Variants in SNRNP200 observed in about 807,000 individuals in gnomAD.
SNRNP200 encodes the protein U5 small nuclear ribonucleoprotein 200 kDa helicase.
SNRNP200 carries 66 observed loss-of-function variants against 255.2 expected under a neutral mutation model. That is an observed-to-expected ratio of 0.26 (90% CI 0.21 to 0.32). The LOEUF (loss-of-function observed/expected upper bound fraction) is 0.32, where lower values mean the gene tolerates loss of function less well. SNRNP200 is among the 10% of genes least tolerant of loss of function. The probability of loss-of-function intolerance (pLI) is 1.00; values close to 1 mark genes in which losing one functional copy is unlikely to be tolerated. For synonymous variants in SNRNP200, 939 were observed against 1,027.8 expected, an observed-to-expected ratio of 0.91 and a Z score of 1.65; for missense variants, 1,585 against 2,749.8, an observed-to-expected ratio of 0.58 and a Z score of 9.47.
Position 96,286,848 on chromosome 2 carries a change from A to T in SNRNP200, c.3669T>A (p.Ile1223=), listed in dbSNP as rs1482060173. 6.2e-7 allele frequency: 1 copy of T among 1,614,210 alleles called. No homozygotes were observed. Among genetic ancestry groups the T allele is most frequent in the Non-Finnish European group, 8.5e-7 (1 of 1,180,040 alleles). ...CCTCGCTGTCCACATCCTCCACCAG[A>T]ATCCAAAAAGCCTCGGATGAACCAT... ...KVHGSSEAFW[I]LVEDVDSEVI... Residue 1223 remains isoleucine (I), a synonymous_variant, in exon 28 of 45, where the codon ATT becomes ATA. Coordinates refer to ENST00000323853, the MANE Select transcript of SNRNP200 (RefSeq NM_014014.5). The surrounding 1 kb of genome is among the most constrained non-coding windows in gnomAD (Gnocchi z 4.8).
At chr2:96,299,816 A>G (rs763488994) in intron 5 of SNRNP200, among the ~76,000 whole-genome samples, 2 of 152,158 alleles carry the variant, frequency 1.3e-5, no homozygotes, top group Non-Finnish European at 2.9e-5. Context: ...TCACCACTCT[A>G]TTTACTCATA....
intron 43 of SNRNP200, 195 bp downstream of exon 43, chr2:96,276,709 T>C (rs1352534373): frequency 1.1e-5 from 8 of 700,648 alleles, no homozygotes; most frequent in Middle Eastern, 2.3e-4. Context: ...CGTGAGCCAC[T>C]GCGCCCGGCC....
rs533069194 is a variant in SNRNP200 at position 96,275,016 on chromosome 2, T to G, written c.6407A>C (p.Asp2136Ala). Residue 2136 changes from aspartate (D) to alanine (A), a missense_variant, in exon 45 of 45, where the codon GAT (aspartate) becomes GCT (alanine). This residue lies in a region of SNRNP200 where 279 missense variants were observed against 551.2 expected (regional missense o/e 0.51). Transcript: ENST00000323853. ...VKEAETDSDS[D>A] ...CAAAAGTAAATGCCTCAGGACTCAATCTGAATCACTGTCTGTCTCAGCTTC... is the reference window on the plus strand; with the variant it reads ...CAAAAGTAAATGCCTCAGGACTCAAGCTGAATCACTGTCTGTCTCAGCTTC... 1 of 1,614,090 alleles carries G rather than the reference T, an allele frequency of 6.2e-7. No homozygotes were observed. The highest frequency in any genetic ancestry group is 2.2e-5 in the East Asian group (1 of 44,888).
chr2:96,288,236 C>A (rs1307041007), intron 24 of SNRNP200, among the ~76,000 whole-genome samples: 4 of 152,184 alleles, frequency 2.6e-5, no homozygotes, highest in Admixed American at 1.3e-4. Flanking sequence ...GCTTTTGAGT[C>A]ATTTAGCATT....
chr2:96,284,440 C>G lies in SNRNP200; in HGVS notation c.4310G>C (p.Arg1437Pro). ...STPEKWDILS[R>P]RWKQRKNVQN... ...CACGTTCTTGCGCTGCTTCCATCGC[C>G]GGGAAAGTATGTCCCACTTCTCAGG... Residue 1437 changes from arginine to proline, a missense_variant, in exon 31 of 45, where the codon CGG becomes CCG. Arg to Pro is a moderately radical substitution (Grantham distance 103). Coordinates refer to ENST00000323853, the MANE Select transcript of SNRNP200 (RefSeq NM_014014.5). The G allele has an allele frequency of 6.2e-7, 1 of 1,614,142 alleles. No homozygotes were observed.
chr2:96,305,269 C>T, intron 1 of SNRNP200, 124 bp downstream of exon 1: 1 of 1,284,990 alleles, frequency 7.8e-7, no homozygotes. Context: ...ACCTTCACCC[C>T]GATTCCATTT....
intron 5 of SNRNP200, 141 bp downstream of exon 5, chr2:96,300,857 A>G: frequency 2.8e-6 from 2 of 711,148 alleles, no homozygotes; most frequent in East Asian, 2.7e-5. Flanking sequence ...GCAAAAGAAC[A>G]TATAATGCCC....
In SNRNP200 at chr2:96,286,291, G is replaced by A; in HGVS notation, c.4003+20C>T. On this transcript the variant is annotated intron_variant, in intron 29 of 44. Transcript: ENST00000323853. The surrounding 1 kb of genome is among the most constrained non-coding windows in gnomAD (Gnocchi z 4.8). ...CCCGGTGACTTCAAAAGCCTCCAGA[G>A]GAGGGATGGAAACACTTACCCTGGG... The A allele has an allele frequency of 6.2e-7, 1 of 1,613,062 alleles. No individual in the cohort carries two copies. The highest frequency in any genetic ancestry group is 8.5e-7 in the Non-Finnish European group (1 of 1,179,158).
intron 34 of SNRNP200, chr2:96,282,214 C>T: frequency 2.5e-6 from 1 of 401,942 alleles, no homozygotes; most frequent in Non-Finnish European, 4.7e-6. Context: ...CTCCTCTGAC[C>T]AGAAAGTGCT....
rs2063912445 is a variant in SNRNP200 at position 96,295,668 on chromosome 2, G to A, written c.1672-10C>T. ...CATAAGTGGCCAGGCGCTGTGGGAGGAAAACTACATCAGGCAGGAATGCTT... is the reference window on the plus strand; with the variant it reads ...CATAAGTGGCCAGGCGCTGTGGGAGAAAAACTACATCAGGCAGGAATGCTT... On this transcript the variant is annotated splice_polypyrimidine_tract_variant and intron_variant, in intron 13 of 44. Transcript: ENST00000323853. The A allele has an allele frequency of 6.2e-7, 1 of 1,613,010 alleles. No homozygotes were observed. The highest frequency in any genetic ancestry group is 8.5e-7 in the Non-Finnish European group (1 of 1,179,958).
rs770857429 is a variant in SNRNP200, at chr2:96,297,724, T to A, written c.1120-4A>T. 15 of 1,614,034 alleles carry A rather than the reference T, an allele frequency of 9.3e-6. No individual in the cohort carries two copies. In the African/African-American group the frequency reaches 1.9e-4, roughly 20 times the overall value. ...GCTCTCTCCGGGACCTTTCCTCCTGTAGTGGACAAAGATAAAAATCACAAA... is the reference window on the plus strand; with the variant it reads ...GCTCTCTCCGGGACCTTTCCTCCTGAAGTGGACAAAGATAAAAATCACAAA... On this transcript the variant is annotated splice_polypyrimidine_tract_variant and splice_region_variant and intron_variant, in intron 9 of 44. Transcript: ENST00000323853.
Position 96,296,709 on chromosome 2 carries a change from GA to G in SNRNP200, c.1516-19del. 6.2e-7 allele frequency: 1 copy of G among 1,614,018 alleles called. No homozygotes were observed. Among genetic ancestry groups the G allele is most frequent in the South Asian group, 1.1e-5 (1 of 91,078 alleles). ...CCAGCACCCTACGGGAGAGGTCAGG[GA>G]TGAGAACGCCTATTCACCTGGTTAT... On this transcript the variant is annotated intron_variant, in intron 12 of 44. Transcript: ENST00000323853.
In SNRNP200 at chr2:96,287,854, G is replaced by T; in HGVS notation, c.3365+9C>A. ...ATGGTGACCAGCATCCAGCTCACTG[G>T]GTCCTTACATGCGTTTGTCGATCAT... On this transcript the variant is annotated intron_variant, in intron 25 of 44. Coordinates refer to ENST00000323853, the MANE Select transcript of SNRNP200 (RefSeq NM_014014.5). This position sits in a 1 kb window ranked among gnomAD's most constrained non-coding sequence, Gnocchi z 5.7. The T allele has an allele frequency of 1.2e-6, 2 of 1,612,218 alleles. No individual in the cohort carries two copies. Among genetic ancestry groups the T allele is most frequent in the Non-Finnish European group, 8.5e-7 (1 of 1,178,198 alleles).
chr2:96,304,511 C>T (rs1455069939), intron 2 of SNRNP200, among the ~76,000 whole-genome samples, 194 bp downstream of exon 2: 6 of 152,174 alleles, frequency 3.9e-5, no homozygotes, highest in Admixed American at 3.9e-4. Flanking sequence ...AAGGTACCAA[C>T]AAGTTATTTT....
chr2:96,298,856 C>T lies in SNRNP200; in HGVS notation c.841G>A (p.Val281Met), dbSNP rs866936431. The change falls in exon 7 of 45, where the codon GTG becomes ATG. Residue 281 changes from valine (V) to methionine (M), a missense_variant. Physicochemically the swap from Val to Met is conservative, Grantham distance 21. Around this residue, in one of 9 missense-constraint regions of SNRNP200, gnomAD observed 383 missense variants for 645.3 expected, o/e 0.59. Coordinates refer to ENST00000323853, the MANE Select transcript of SNRNP200 (RefSeq NM_014014.5). ...QLSRFYDDAI[V>M]SQKKADEVLE... Reference sequence around the variant, plus strand: ...ACTTCATCTGCCTTCTTCTGCGACACGATGGCATCATCATAGAAACGACTG... The same window carrying T: ...ACTTCATCTGCCTTCTTCTGCGACATGATGGCATCATCATAGAAACGACTG... 1.2e-6 allele frequency: 2 copies of T among 1,614,180 alleles called. No homozygotes were observed. The highest frequency in any genetic ancestry group is 1.1e-5 in the South Asian group (1 of 91,086).
chr2:96,284,831 C>T, intron 30 of SNRNP200: 2 of 544,632 alleles, frequency 3.7e-6, no homozygotes, highest in Non-Finnish European at 3.3e-6. Flanking sequence ...CTCACTGCAA[C>T]CTCCGCCTCC....
chr2:96,293,005 A>G lies in SNRNP200; in HGVS notation c.2127T>C (p.Tyr709=), dbSNP rs113303060. Residue 709 remains tyrosine, a synonymous_variant, in exon 16 of 45, where the codon TAT becomes TAC. Transcript: ENST00000323853. ...KRFQIMNEIV[Y]EKIMEHAGKN... is the part of the protein sequence containing the mutation. ...TTCCAGCATGTTCCATGATTTTTTC[A>G]TAGACGATTTCATTCATGATCTGGA... 2.0e-5 allele frequency: 32 copies of G among 1,614,154 alleles called. No individual in the cohort carries two copies. Among genetic ancestry groups the G allele is most frequent in the African/African-American group, 1.7e-4 (13 of 75,030 alleles).
At chr2:96,301,116 A>G in intron 4 of SNRNP200, 63 bp from the exon 5 acceptor site, 2 of 1,368,096 alleles carry the variant, frequency 1.5e-6, no homozygotes, top group South Asian at 2.3e-5. Flanking sequence ...GGCACTCTGG[A>G]GCCAATGTCC....
chr2:96,275,249 A>T lies in SNRNP200; in HGVS notation c.6267+8T>A. On this transcript the variant is annotated splice_region_variant and intron_variant, in intron 44 of 44. Transcript: ENST00000323853. Reference sequence around the variant, plus strand: ...AGAACAAATGCTAGGGCCAGTGGACACACTCACCTTGGCCTTCTGCTGCAA... The same window carrying T: ...AGAACAAATGCTAGGGCCAGTGGACTCACTCACCTTGGCCTTCTGCTGCAA... 6.2e-7 allele frequency: 1 copy of T among 1,614,094 alleles called. No individual in the cohort carries two copies.
Sources: gnomAD v4.1 joint callset for allele counts (sites outside exome capture counted in the v4.1 genomes callset) on GRCh38, gnomAD v4.1.1 for gene constraint, gnomAD v4.1.1 regional missense constraint, Gnocchi (gnomAD v3.1) non-coding constraint, MANE v1.5 for transcripts, NCBI Gene and HGNC (gene_info 2026-07-23, HGNC 2026-07-21) for gene names.